ANKRD44: variants seen among roughly 807,000 people sequenced by gnomAD.
The protein encoded by ANKRD44 is ankyrin repeat domain 44, also known as serine/threonine-protein phosphatase 6 regulatory ankyrin repeat subunit B.
Under a neutral mutation model 116.0 loss-of-function variants are expected in ANKRD44, and 35 were observed. The ratio of observed to expected loss-of-function variants is 0.30; its 90% CI spans 0.23 to 0.40. The LOEUF (loss-of-function observed/expected upper bound fraction) is 0.40. ANKRD44 is among the 10% of genes least tolerant of loss of function. ANKRD44 has a pLI of 1.00. For synonymous variants in ANKRD44, 435 were observed against 461.8 expected (o/e 0.94, Z 0.74); for missense variants, 1,014 against 1,242.6 (o/e 0.82, Z 2.77).
chr2:197,080,682 G>C (rs2077773100), intron 15 of ANKRD44, among the ~76,000 whole-genome samples: 1 of 152,126 alleles, frequency 6.6e-6, no homozygotes, highest in African/African-American at 2.4e-5. Flanking sequence ...ATCGAAGTTA[G>C]GTCCCACAAC....
At chr2:197,303,331 A>G (rs1199514995) in intron 1 of ANKRD44, among the ~76,000 whole-genome samples, 2 of 152,238 alleles carry the variant, frequency 1.3e-5, no homozygotes, top group African/African-American at 4.8e-5. Context: ...ACCTGTTCCC[A>G]TTTTGACAGA....
intron 1 of ANKRD44, among the ~76,000 whole-genome samples, chr2:197,293,106 A>G (rs2083617376): frequency 6.6e-6 from 1 of 152,190 alleles, no homozygotes; most frequent in Non-Finnish European, 1.5e-5. Flanking sequence ...TATTTACATA[A>G]CCAAAAATTA....
rs2076188735 is a variant in ANKRD44 at position 197,005,685 on chromosome 2, G to A, written c.2347+9C>T. The A allele has an allele frequency of 6.8e-6, 11 of 1,613,808 alleles. No homozygotes were observed. The highest frequency in any genetic ancestry group is 9.3e-6 in the Non-Finnish European group (11 of 1,179,718). On this transcript the variant is annotated intron_variant, in intron 21 of 27. Coordinates refer to ENST00000282272, the MANE Select transcript of ANKRD44 (RefSeq NM_001195144.2). ...TCTAGTGGAATCAGTCAAATGATAA[G>A]CAACTCACCATTGTAACAAGCCCAG...
At chr2:197,102,281 C>G (rs2078311546) in intron 9 of ANKRD44, among the ~76,000 whole-genome samples, 1 of 152,124 alleles carries the variant, frequency 6.6e-6, no homozygotes. Context: ...TGAATAATCT[C>G]ATATGTATGT....
At chr2:197,153,222 T>C (rs534941257) in intron 2 of ANKRD44, among the ~76,000 whole-genome samples, 3 of 12,430 alleles carry the variant, frequency 2.4e-4, no homozygotes, top group African/African-American at 5.3e-4. Context: ...AGCAAGACCC[T>C]GCCAAAAAAA....
intron 25 of ANKRD44, among the ~76,000 whole-genome samples, chr2:196,996,278 C>T (rs181262099): frequency 4.6e-5 from 7 of 152,276 alleles, no homozygotes; most frequent in East Asian, 1.9e-4. Flanking sequence ...AAGCATTGCA[C>T]TTATATTCAC....
intron 1 of ANKRD44, among the ~76,000 whole-genome samples, chr2:197,254,365 T>C (rs1029402125): frequency 5.3e-5 from 8 of 151,856 alleles, no homozygotes; most frequent in South Asian, 2.1e-4. Context: ...GCCTGAGCAA[T>C]AGAGCAAGGC....
chr2:197,260,259 G>T (rs1349119439), intron 1 of ANKRD44, among the ~76,000 whole-genome samples: 1 of 152,062 alleles, frequency 6.6e-6, no homozygotes, highest in Non-Finnish European at 1.5e-5. Context: ...ACAGTCCCCG[G>T]TGTGTGATGT....
In ANKRD44 at chr2:197,046,203, G is replaced by GTAT. The variant is rs533166689; in HGVS notation, c.1651-20939_1651-20937dup. Reference sequence around the variant, plus strand: ...GACCTTTTAGGTTGTCCCCTTTTTGGTATTATTATTATTATTGGTACTGTC... The same window carrying GTAT: ...GACCTTTTAGGTTGTCCCCTTTTTGGTATTATTATTATTATTATTGGTACTGTC... On this transcript the variant is annotated intron_variant, in intron 16 of 27. Transcript: ENST00000282272. Among the ~76,000 whole-genome samples, 456 of 151,822 alleles carry GTAT rather than the reference G, an allele frequency of 3.0e-3. 1 individual carries two copies. The highest frequency in any genetic ancestry group is 5.3e-3 in the Non-Finnish European group (360 of 67,922).
At chr2:197,009,985 C>A (rs766745326) in intron 18 of ANKRD44, among the ~76,000 whole-genome samples, 1 of 151,918 alleles carries the variant, frequency 6.6e-6, no homozygotes, top group African/African-American at 2.4e-5. Context: ...TGCCTCCAAC[C>A]CCTTTAAAAA....
chr2:197,001,767 T>C lies in ANKRD44; in HGVS notation c.2421A>G (p.Pro807=), dbSNP rs572879789. The change falls in exon 22 of 28, where the codon CCA becomes CCG. Residue 807 remains proline (P), a synonymous_variant. Transcript: ENST00000282272. Reference sequence around the variant, plus strand: ...TTTCTACTTACATTGCACAGTGCAGTGGAGTAAAGGGATTACCGATAAATT... The same window carrying C: ...TTTCTACTTACATTGCACAGTGCAGCGGAGTAAAGGGATTACCGATAAATT... ...FRKFIGNPFT[P]LHCAIINDHG... 6.2e-7 allele frequency: 1 copy of C among 1,612,540 alleles called. No individual in the cohort carries two copies. Among genetic ancestry groups the C allele is most frequent in the East Asian group, 2.2e-5 (1 of 44,842 alleles).
intron 4 of ANKRD44, among the ~76,000 whole-genome samples, chr2:197,128,109 T>C (rs896670058): frequency 3.9e-5 from 6 of 152,218 alleles, no homozygotes; most frequent in Non-Finnish European, 8.8e-5. Context: ...CTATTGTGAA[T>C]AGTGCTGCAA....
downstream of ANKRD44, among the ~76,000 whole-genome samples, chr2:196,984,044 T>C (rs746986398): frequency 2.6e-5 from 4 of 152,236 alleles, no homozygotes; most frequent in Non-Finnish European, 5.9e-5. Context: ...CTCAACCTTG[T>C]AAGTTCTCGT....
chr2:197,063,263 T>C (rs1234671622), intron 16 of ANKRD44, among the ~76,000 whole-genome samples: 1 of 152,068 alleles, frequency 6.6e-6, no homozygotes, highest in Non-Finnish European at 1.5e-5. Flanking sequence ...GAAGGAAAAC[T>C]AACAAACAGA....
At chr2:197,308,549 T>C (rs933607802) in intron 1 of ANKRD44, among the ~76,000 whole-genome samples, 2 of 145,508 alleles carry the variant, frequency 1.4e-5, no homozygotes, top group African/African-American at 5.0e-5. Context: ...AGACTGGACA[T>C]TTTCAGAAGT....
chr2:197,002,766 T>G (rs1050708505), intron 21 of ANKRD44, among the ~76,000 whole-genome samples: 2 of 152,200 alleles, frequency 1.3e-5, no homozygotes, highest in African/African-American at 4.8e-5. Context: ...ACAAAGTCTC[T>G]GTGGTTCTCA....
chr2:197,186,096 G>T (rs933620692), intron 2 of ANKRD44, among the ~76,000 whole-genome samples: 1 of 152,058 alleles, frequency 6.6e-6, no homozygotes, highest in Non-Finnish European at 1.5e-5. Flanking sequence ...TTCTTCTCTT[G>T]ATTTTTTTCT....
chr2:197,273,981 ATATATAT>A lies in ANKRD44; in HGVS notation c.27+36590_27+36596del, dbSNP rs1250461837. Reference sequence around the variant, plus strand: ...ACCACAAAAAAAAAAAAAAAAAAAAATATATATATATATATATATATATATATATATA... The same window carrying A: ...ACCACAAAAAAAAAAAAAAAAAAAAAATATATATATATATATATATATATA... On this transcript the variant is annotated intron_variant, in intron 1 of 27. Transcript: ENST00000282272. Among the ~76,000 whole-genome samples the A allele has an allele frequency of 7.4e-3, 178 of 23,952 alleles. 27 individuals are homozygous for A. The highest frequency in any genetic ancestry group is 9.1e-3 in the Non-Finnish European group (136 of 14,982). The allele number at this position is 23,952 out of a possible 152,430, so 15.7% of individuals were successfully genotyped here.
intron 1 of ANKRD44, among the ~76,000 whole-genome samples, chr2:197,269,077 G>GTGTTTT (rs113337711): frequency 0.52 from 64,374 of 124,368 alleles, 14,871 homozygotes; most frequent in African/African-American, 0.63. Context: ...TGCTGGTAAT[G>GTGTTTT]TGTTTTTGTT....
Sources: gnomAD v4.1 joint callset for allele counts (sites outside exome capture counted in the v4.1 genomes callset) on GRCh38, gnomAD v4.1.1 for gene constraint, MANE v1.5 for transcripts, NCBI Gene and HGNC (gene_info 2026-07-23, HGNC 2026-07-21) for gene names.